Variants in MSRA observed in about 807,000 individuals in gnomAD.
MSRA encodes the protein methionine sulfoxide reductase A.
A neutral mutation model predicts 31.3 loss-of-function variants in MSRA; 54 were observed. The ratio of observed to expected loss-of-function variants is 1.73; its 90% CI spans 1.39 to 2.17. The LOEUF (loss-of-function observed/expected upper bound fraction) is 2.17, where lower values mean the gene tolerates loss of function less well. Ranked by LOEUF, MSRA falls within the 30% of genes most tolerant of loss-of-function variation. MSRA has a pLI of 0.00. For synonymous variants in MSRA, 169 were observed against 116.5 expected, an observed-to-expected ratio of 1.45 and a Z score of -2.90; for missense variants, 507 against 300.9, an observed-to-expected ratio of 1.69 and a Z score of -5.07.
At chr8:10,419,928 G>C (rs1040234235) in intron 5 of MSRA, among the ~76,000 whole-genome samples, 2 of 152,306 alleles carry the variant, frequency 1.3e-5, no homozygotes, top group South Asian at 4.1e-4. Flanking sequence ...TCCTTTTGCA[G>C]TTCTGTAGAG....
chr8:10,348,507 C>G (rs573125412), intron 5 of MSRA, among the ~76,000 whole-genome samples: 1 of 151,704 alleles, frequency 6.6e-6, no homozygotes, highest in African/African-American at 2.4e-5. Flanking sequence ...GTAGCCGGGA[C>G]TACAAGCGTG....
intron 3 of MSRA, among the ~76,000 whole-genome samples, chr8:10,266,579 C>G (rs1376009305): frequency 1.3e-5 from 2 of 151,158 alleles, no homozygotes; most frequent in Middle Eastern, 3.4e-3. Context: ...AGCAGAACTT[C>G]TAAATTTTGA....
At chr8:10,163,786 G>A (rs1804877042) in intron 1 of MSRA, among the ~76,000 whole-genome samples, 1 of 152,228 alleles carries the variant, frequency 6.6e-6, no homozygotes. Context: ...CCTCCAAGGG[G>A]GCCACAGGCC....
intron 1 of MSRA, among the ~76,000 whole-genome samples, chr8:10,168,588 A>G (rs1296729060): frequency 6.6e-6 from 1 of 152,206 alleles, no homozygotes; most frequent in Admixed American, 6.5e-5. Context: ...CCTATACGAT[A>G]ATGAGTTGTA....
intron 5 of MSRA, among the ~76,000 whole-genome samples, chr8:10,343,406 G>A (rs56370093): frequency 0.017 from 2,626 of 152,308 alleles, 72 homozygotes; most frequent in African/African-American, 0.058. Flanking sequence ...ATGAAGCGGT[G>A]AATAGTAGTA....
chr8:10,105,145 A>G (rs957011278), intron 1 of MSRA, among the ~76,000 whole-genome samples: 12 of 152,086 alleles, frequency 7.9e-5, no homozygotes, highest in African/African-American at 2.9e-4. Context: ...ACTAATTTGT[A>G]TCATATTAAC....
intron 2 of MSRA, among the ~76,000 whole-genome samples, chr8:10,216,127 A>C (rs11249974): frequency 0.94 from 143,191 of 152,244 alleles, 67,528 homozygotes; most frequent in East Asian, 1. Flanking sequence ...ACCTAATATT[A>C]TTTTTCTTGT....
At chr8:10,088,815 G>T (rs1798705679) in intron 1 of MSRA, among the ~76,000 whole-genome samples, 2 of 152,166 alleles carry the variant, frequency 1.3e-5, no homozygotes, top group Admixed American at 6.5e-5. Context: ...TAAGAAAGAA[G>T]ATCTTGCCAT....
At chr8:10,341,790 G>A (rs1328630430) in intron 5 of MSRA, among the ~76,000 whole-genome samples, 6 of 152,200 alleles carry the variant, frequency 3.9e-5, no homozygotes, top group Non-Finnish European at 7.3e-5. Flanking sequence ...GCAATGTTCT[G>A]TCTGCAGCTG....
intron 3 of MSRA, among the ~76,000 whole-genome samples, chr8:10,294,874 G>C (rs779138204): frequency 1.5e-4 from 23 of 152,118 alleles, no homozygotes; most frequent in Admixed American, 3.9e-4. Flanking sequence ...TGGGAGGGGT[G>C]GGGGCGGGGG....
intron 1 of MSRA, among the ~76,000 whole-genome samples, chr8:10,205,665 G>T (rs1430076018): frequency 6.6e-6 from 1 of 152,002 alleles, no homozygotes; most frequent in Non-Finnish European, 1.5e-5. Context: ...TTTCACCCTA[G>T]ACAAAAAGAA....
chr8:10,256,123 A>G (rs371509126), intron 3 of MSRA, among the ~76,000 whole-genome samples: 6 of 152,090 alleles, frequency 3.9e-5, no homozygotes, highest in Admixed American at 6.5e-5. Context: ...TGCTCAGCCT[A>G]TTCAGCCCAT....
chr8:10,174,798 T>C (rs2129047777), intron 1 of MSRA, among the ~76,000 whole-genome samples: 1 of 152,342 alleles, frequency 6.6e-6, no homozygotes, highest in African/African-American at 2.4e-5. Context: ...ACCTCAGAGA[T>C]GCCCTCCGAC....
chr8:10,124,024 A>G (rs1237426687), intron 1 of MSRA, among the ~76,000 whole-genome samples: 1 of 151,726 alleles, frequency 6.6e-6, no homozygotes, highest in East Asian at 2.0e-4. Flanking sequence ...GAGGTTGGGG[A>G]ATGGCCCTTT....
chr8:10,208,790 T>C (rs1809233787), intron 2 of MSRA, among the ~76,000 whole-genome samples: 1 of 152,148 alleles, frequency 6.6e-6, no homozygotes, highest in African/African-American at 2.4e-5. Context: ...AAATGTGAGG[T>C]CCCCTGATTT....
intron 1 of MSRA, among the ~76,000 whole-genome samples, chr8:10,136,787 G>C (rs535241956): frequency 3.6e-4 from 55 of 152,202 alleles, no homozygotes; most frequent in Non-Finnish European, 4.7e-4. Context: ...TTGCTGTTGG[G>C]GGTTTCACCT....
At chr8:10,177,292 A>T (rs946006608) in intron 1 of MSRA, among the ~76,000 whole-genome samples, 1 of 152,200 alleles carries the variant, frequency 6.6e-6, no homozygotes, top group Non-Finnish European at 1.5e-5. Flanking sequence ...GTTCTAAATT[A>T]TGCACTTTGA....
At chr8:10,321,923 T>C (rs1208646399) in intron 5 of MSRA, among the ~76,000 whole-genome samples, 3 of 152,244 alleles carry the variant, frequency 2.0e-5, no homozygotes. Flanking sequence ...AGCTGTGAGA[T>C]AATAAATGTA....
chr8:10,324,434 CAT>C (rs1802245315), intron 5 of MSRA, among the ~76,000 whole-genome samples: 3 of 152,112 alleles, frequency 2.0e-5, no homozygotes, highest in Non-Finnish European at 4.4e-5. Context: ...GGCCATGGAA[CAT>C]GGGACGGCCA....
Sources: allele counts gnomAD v4.1 joint callset (sites outside exome capture counted in the v4.1 genomes callset), GRCh38; gene constraint gnomAD v4.1.1; transcripts MANE v1.5; gene names NCBI Gene and HGNC (gene_info 2026-07-23, HGNC 2026-07-21).